CHRM2: variants seen among roughly 807,000 people sequenced by gnomAD.
The protein encoded by CHRM2 is cholinergic receptor muscarinic 2, also known as muscarinic acetylcholine receptor M2.
A neutral mutation model predicts 25.0 loss-of-function variants in CHRM2; 8 were observed. The observed-to-expected ratio is 0.32, with a 90% confidence interval of 0.19 to 0.58. The LOEUF is 0.58. CHRM2 is among the 20% of genes least tolerant of loss of function. The pLI is 0.88. For missense variants in CHRM2, 440 were observed against 567.1 expected (o/e 0.78, Z 2.28); for synonymous variants, 202 against 205.7 (o/e 0.98, Z 0.15).
intron 2 of CHRM2, among the ~76,000 whole-genome samples, chr7:136,963,243 G>A (rs1375588602): frequency 1.3e-5 from 2 of 152,202 alleles, no homozygotes; most frequent in African/African-American, 4.8e-5. Flanking sequence ...AGACCAGGGT[G>A]CCTGAATGCT....
intron 2 of CHRM2, among the ~76,000 whole-genome samples, chr7:136,976,629 G>A (rs1056340985): frequency 5.9e-5 from 9 of 152,142 alleles, no homozygotes; most frequent in Non-Finnish European, 1.3e-4. Flanking sequence ...AACCTGCTGA[G>A]AAACCACATA....
rs1386132452 is a variant in CHRM2 at position 137,018,047 on chromosome 7, A to G, written c.*1781A>G. On this transcript the variant is annotated 3_prime_UTR_variant, in exon 4 of 4. Transcript: ENST00000680005. The stretch of plus-strand genomic sequence containing the variant: ...TTGCAAATTTCATATTTTGGATTTT[A>G]GATTTATGATATCTTGTTCAGTAAT... 1 of 151,918 alleles carries G rather than the reference A, an allele frequency of 6.6e-6. No homozygotes were observed. The highest frequency in any genetic ancestry group is 2.4e-5 in the African/African-American group (1 of 41,420). 9.4% of individuals were successfully genotyped at this position (151,918 alleles called of 1,614,324 possible). A position where few individuals can be genotyped will look rare whatever the true frequency, so the allele number is the denominator to read the frequency against.
intron 2 of CHRM2, among the ~76,000 whole-genome samples, chr7:136,952,770 G>A (rs1468433758): frequency 6.6e-6 from 1 of 151,990 alleles, no homozygotes; most frequent in Non-Finnish European, 1.5e-5. Context: ...CCCTCTATGT[G>A]TTCATGTGTT....
At chr7:136,894,294 T>C (rs2130576604) in intron 2 of CHRM2, among the ~76,000 whole-genome samples, 1 of 152,322 alleles carries the variant, frequency 6.6e-6, no homozygotes, top group East Asian at 1.9e-4. Context: ...AAATTCTACA[T>C]AGAAAATATA....
intron 3 of CHRM2, among the ~76,000 whole-genome samples, chr7:137,004,120 AG>A (rs1463137069): frequency 6.6e-6 from 1 of 152,188 alleles, no homozygotes; most frequent in Non-Finnish European, 1.5e-5. Flanking sequence ...ACTGCCTAGA[AG>A]ATTTATGAAC....
chr7:136,986,410 A>C (rs1003182706), intron 2 of CHRM2, among the ~76,000 whole-genome samples: 1 of 152,214 alleles, frequency 6.6e-6, no homozygotes, highest in Non-Finnish European at 1.5e-5. Flanking sequence ...CATTAACAAT[A>C]TATTCTAAGC....
chr7:136,886,782 G>A (rs1289384473), intron 2 of CHRM2, among the ~76,000 whole-genome samples: 1 of 152,044 alleles, frequency 6.6e-6, no homozygotes, highest in East Asian at 1.9e-4. Context: ...TGAGGGGGAG[G>A]ATCATTTGAG....
chr7:136,985,023 G>C (rs1245878100), intron 2 of CHRM2, among the ~76,000 whole-genome samples: 1 of 152,020 alleles, frequency 6.6e-6, no homozygotes, highest in African/African-American at 2.4e-5. Flanking sequence ...CAGAAAGTTT[G>C]TTTAACAATT....
chr7:136,927,753 C>T (rs1210661620), intron 2 of CHRM2, among the ~76,000 whole-genome samples: 1 of 152,012 alleles, frequency 6.6e-6, no homozygotes, highest in Non-Finnish European at 1.5e-5. Flanking sequence ...TTAGAAAAAT[C>T]AGGTATACCT....
At chr7:136,960,324 C>T (rs181562332) in intron 2 of CHRM2, among the ~76,000 whole-genome samples, 36 of 152,302 alleles carry the variant, frequency 2.4e-4, no homozygotes, top group Non-Finnish European at 4.1e-4. Context: ...ACTACCTTCA[C>T]ATAGTATAGA....
At chr7:136,912,819 A>G (rs1206755446) in intron 2 of CHRM2, among the ~76,000 whole-genome samples, 2 of 151,988 alleles carry the variant, frequency 1.3e-5, no homozygotes, top group African/African-American at 4.8e-5. Context: ...ACAAATAACA[A>G]CATACACAGC....
At chr7:136,996,277 A>G (rs933380114) in intron 3 of CHRM2, among the ~76,000 whole-genome samples, 1 of 152,092 alleles carries the variant, frequency 6.6e-6, no homozygotes, top group East Asian at 1.9e-4. Context: ...TATCACAAAA[A>G]TAAGTATCAA....
At chr7:136,959,158 T>C (rs1800909591) in intron 2 of CHRM2, among the ~76,000 whole-genome samples, 2 of 152,232 alleles carry the variant, frequency 1.3e-5, no homozygotes, top group Non-Finnish European at 2.9e-5. Flanking sequence ...TTCTATCCTC[T>C]AATAGTGCTC....
chr7:136,921,794 C>CTTTTTTTTTTT (rs398006503), intron 2 of CHRM2, among the ~76,000 whole-genome samples: 1 of 116,538 alleles, frequency 8.6e-6, no homozygotes, highest in Non-Finnish European at 2.0e-5. Flanking sequence ...TTCTTTCTTT[C>CTTTTTTTTTTT]TTTTTTTTGA....
chr7:136,937,008 AG>A (rs1215210297), intron 2 of CHRM2, among the ~76,000 whole-genome samples: 8 of 152,208 alleles, frequency 5.3e-5, no homozygotes, highest in Admixed American at 3.9e-4. Context: ...CAACATGAAT[AG>A]AGTTTCTTAT....
rs992610255 is a variant in CHRM2, at chr7:137,002,859, G to A, written c.-47+10595G>A. On this transcript the variant is annotated intron_variant, in intron 3 of 3. Coordinates refer to ENST00000680005, the MANE Select transcript of CHRM2 (RefSeq NM_001006630.2). The stretch of plus-strand genomic sequence containing the variant: ...TAGAATCAACTGTTAAATTATAATG[G>A]ACTCAGTAATAGTGACTGCTTAACA... Among the ~76,000 whole-genome samples, 3 of 151,956 alleles carry A rather than the reference G, an allele frequency of 2.0e-5. No homozygotes were observed. In the South Asian group the frequency reaches 6.2e-4, roughly 32 times the overall value.
chr7:136,995,707 T>A (rs1386695907), intron 3 of CHRM2, among the ~76,000 whole-genome samples: 2 of 152,072 alleles, frequency 1.3e-5, no homozygotes, highest in South Asian at 4.1e-4. Context: ...GAGGTTGCAA[T>A]AAGCCAAGAC....
intron 3 of CHRM2, among the ~76,000 whole-genome samples, chr7:137,013,930 T>C (rs544901356): frequency 1.3e-5 from 2 of 152,148 alleles, no homozygotes; most frequent in South Asian, 2.1e-4. Context: ...TAGTTCCTTC[T>C]ACAAAACAAA....
At chr7:136,938,522 G>T (rs1799554253) in intron 2 of CHRM2, 3 of 975,804 alleles carry the variant, frequency 3.1e-6, no homozygotes, top group Non-Finnish European at 5.0e-6. Context: ...AGCAGGCTCT[G>T]GTTGATTGAC....
Sources: gnomAD v4.1 joint callset for allele counts (sites outside exome capture counted in the v4.1 genomes callset) on GRCh38, gnomAD v4.1.1 for gene constraint, MANE v1.5 for transcripts, NCBI Gene and HGNC (gene_info 2026-07-23, HGNC 2026-07-21) for gene names.